Variants in TMEM87B observed in about 807,000 individuals in gnomAD.
TMEM87B encodes transmembrane protein 87B.
In TMEM87B, 83 loss-of-function variants were observed where a neutral mutation model predicts 80.3. The observed-to-expected ratio is 1.03, with a 90% confidence interval of 0.87 to 1.24. The LOEUF (loss-of-function observed/expected upper bound fraction) is 1.24, where lower values mean the gene tolerates loss of function less well. Ranked by LOEUF, TMEM87B falls within the 50% of genes most tolerant of loss-of-function variation. The pLI, the probability that TMEM87B is intolerant of heterozygous loss-of-function variation, is 0.00. For synonymous variants in TMEM87B, 219 were observed against 230.5 expected (o/e 0.95, Z 0.45); for missense variants, 625 against 674.4 (o/e 0.93, Z 0.81).
intron 8 of TMEM87B, among the ~76,000 whole-genome samples, chr2:112,083,030 A>G (rs916554624): frequency 1.3e-5 from 2 of 152,234 alleles, no homozygotes; most frequent in African/African-American, 4.8e-5. Context: ...TGATTTTCCC[A>G]AGTGGGAATT....
intron 13 of TMEM87B, 74 bp from the exon 14 acceptor site, chr2:112,098,521 T>TACATTATTTGAATGGGAAACCTATAAA: frequency 7.4e-7 from 1 of 1,359,370 alleles, no homozygotes; most frequent in South Asian, 1.2e-5. Context: ...CTTGTCATTG[T>TACATTATTTGAATGGGAAACCTATAAA]ACATTATTTG....
intron 9 of TMEM87B, among the ~76,000 whole-genome samples, chr2:112,087,366 A>C (rs1679178905): frequency 6.6e-6 from 1 of 151,536 alleles, no homozygotes; most frequent in Non-Finnish European, 1.5e-5. Flanking sequence ...CCTTGCCACT[A>C]TTTTCTCACT....
intron 3 of TMEM87B, among the ~76,000 whole-genome samples, chr2:112,066,316 T>C (rs138192845): frequency 1.3e-4 from 20 of 152,356 alleles, no homozygotes; most frequent in African/African-American, 4.8e-4. Context: ...GTCGGACTTG[T>C]TGATTTTTAC....
At chr2:112,077,799 T>C (rs1435633886) in intron 6 of TMEM87B, among the ~76,000 whole-genome samples, 1 of 152,248 alleles carries the variant, frequency 6.6e-6, no homozygotes, top group Admixed American at 6.5e-5. Flanking sequence ...CTGTGCCTTG[T>C]TAAGCTGTGG....
chr2:112,059,543 T>C (rs183734638), intron 1 of TMEM87B, among the ~76,000 whole-genome samples: 4 of 152,326 alleles, frequency 2.6e-5, no homozygotes, highest in South Asian at 2.1e-4. Context: ...TCACGTCCTA[T>C]AGGCTACAGT....
chr2:112,112,964 AT>A (rs770527213), intron 18 of TMEM87B, 35 bp downstream of exon 18: 2 of 1,587,806 alleles, frequency 1.3e-6, no homozygotes, highest in South Asian at 2.2e-5. Flanking sequence ...CTTGGAGCTG[AT>A]ATTTTCACAA....
rs530865549 is a variant in TMEM87B at position 112,076,876 on chromosome 2, G to C, written c.502-316G>C. 2.9e-3 allele frequency among the ~76,000 whole-genome samples: 413 copies of C among 144,902 alleles called. 1 individual carries two copies. The highest frequency in any genetic ancestry group is 2.6e-3 in the African/African-American group (104 of 39,812). On this transcript the variant is annotated intron_variant, in intron 5 of 18. Coordinates refer to ENST00000283206, the MANE Select transcript of TMEM87B (RefSeq NM_032824.3). ...TGTGTGTGTGTGTGTGTGTGTGTGT[G>C]TGTGTGTGTGTGTCTGTGTGTGTGT...
chr2:112,061,070 G>A (rs1678245128), intron 2 of TMEM87B, among the ~76,000 whole-genome samples: 2 of 152,140 alleles, frequency 1.3e-5, no homozygotes, highest in Admixed American at 6.5e-5. Flanking sequence ...ATCCTCGTAA[G>A]AAGTAAAAAT....
chr2:112,080,448 A>G (rs1181740652), intron 6 of TMEM87B, among the ~76,000 whole-genome samples: 3 of 146,284 alleles, frequency 2.1e-5, no homozygotes, highest in African/African-American at 7.7e-5. Flanking sequence ...TTTAGTAGAG[A>G]CGGTGTTTCA....
At chr2:112,077,764 C>T (rs1198925988) in intron 6 of TMEM87B, among the ~76,000 whole-genome samples, 6 of 152,184 alleles carry the variant, frequency 3.9e-5, no homozygotes, top group Non-Finnish European at 5.9e-5. Context: ...CTGTGAGGCA[C>T]CCCCACCACT....
intron 5 of TMEM87B, 97 bp downstream of exon 5, chr2:112,075,059 G>A (rs1678767418): frequency 3.4e-6 from 5 of 1,458,460 alleles, no homozygotes; most frequent in Admixed American, 2.6e-5. Context: ...GTGATATAAA[G>A]TAGGGTTATT....
In TMEM87B at chr2:112,107,396, A is replaced by AT. The variant is rs201068454; in HGVS notation, c.1525-384dup. ...AAAAAAGAATGTTTGTATTATCATC[A>AT]TTTTTTTTAAAGTTATAAACTCATT... On this transcript the variant is annotated intron_variant, in intron 16 of 18. Coordinates refer to ENST00000283206, the MANE Select transcript of TMEM87B (RefSeq NM_032824.3). Among the ~76,000 whole-genome samples, 70 of 150,910 alleles carry AT rather than the reference A, an allele frequency of 4.6e-4. 2 individuals carry two copies. The East Asian group carries it at 0.013, about 29-fold the overall frequency.
chr2:112,077,249 A>G lies in TMEM87B; in HGVS notation c.559A>G (p.Thr187Ala). 1 of 1,595,246 alleles carries G rather than the reference A, an allele frequency of 6.3e-7. No individual in the cohort carries two copies. Among genetic ancestry groups the G allele is most frequent in the Non-Finnish European group, 8.5e-7 (1 of 1,171,136 alleles). ...GFHIFIVSIK[T>A]ENTDASWNLN... ...TCATATCTTTATTGTTTCTATTAAAACGGAGAATACAGATGCAAGCTGGAA... is the reference window on the plus strand; with the variant it reads ...TCATATCTTTATTGTTTCTATTAAAGCGGAGAATACAGATGCAAGCTGGAA... Residue 187 changes from threonine to alanine, a missense_variant, in exon 6 of 19, where the codon ACG (threonine) becomes GCG (alanine). Thr to Ala is a moderately conservative substitution (Grantham distance 58, BLOSUM62 0). Coordinates refer to ENST00000283206, the MANE Select transcript of TMEM87B (RefSeq NM_032824.3).
intron 13 of TMEM87B, 98 bp from the exon 14 acceptor site, chr2:112,098,497 A>G (rs1307914124): frequency 8.3e-6 from 9 of 1,084,138 alleles, no homozygotes; most frequent in Non-Finnish European, 5.5e-6. Context: ...CTGGTTGGAA[A>G]GATTTCATTA....
chr2:112,116,137 A>T lies in TMEM87B; in HGVS notation c.1662A>T (p.Ile554=). Residue 554 remains isoleucine, a synonymous_variant, in exon 19 of 19, where the codon ATA becomes ATT. Transcript: ENST00000283206. The stretch of plus-strand genomic sequence containing the variant: ...AAAAAATGTTCTCTTCAGAAAAGAT[A>T]ATGTGATTGGAACCCGTATAAGAAA... ...MAEKMFSSEK[I]M 1.2e-6 allele frequency: 2 copies of T among 1,612,536 alleles called. No homozygotes were observed. The highest frequency in any genetic ancestry group is 1.7e-6 in the Non-Finnish European group (2 of 1,179,328).
chr2:112,074,901 C>A lies in TMEM87B; in HGVS notation c.451-11C>A. On this transcript the variant is annotated splice_polypyrimidine_tract_variant and intron_variant, in intron 4 of 18. Coordinates refer to ENST00000283206, the MANE Select transcript of TMEM87B (RefSeq NM_032824.3). ...GCAGTATAAAATGGCATTATTTACT[C>A]TTTTTTCCAGAATAAAGAACTAATA... is the stretch of plus-strand genomic sequence containing the variant. 6.4e-7 allele frequency: 1 copy of A among 1,563,876 alleles called. No individual in the cohort carries two copies. Among genetic ancestry groups the A allele is most frequent in the South Asian group, 1.2e-5 (1 of 85,500 alleles).
Position 112,055,395 on chromosome 2 carries a change from A to C in TMEM87B, c.-197A>C. On this transcript the variant is annotated 5_prime_UTR_variant, in exon 1 of 19. Transcript: ENST00000283206. The stretch of plus-strand genomic sequence containing the variant: ...CGCTCGGGCCCGGCTCAGAGCCCTA[A>C]GCCCTGCCTCCCGGTCCTGGCCGGG... 1.7e-6 allele frequency: 1 copy of C among 587,076 alleles called. No homozygotes were observed. 36.4% of individuals were successfully genotyped at this position (587,076 alleles called of 1,614,324 possible). A position where few individuals can be genotyped will look rare whatever the true frequency, so the allele number is the denominator to read the frequency against.
At chr2:112,063,115 C>T (rs1389742737) in intron 2 of TMEM87B, among the ~76,000 whole-genome samples, 2 of 152,194 alleles carry the variant, frequency 1.3e-5, no homozygotes, top group Admixed American at 6.5e-5. Flanking sequence ...TCCCAGTGAT[C>T]CTTGCTTCCT....
chr2:112,056,925 G>T (rs1310802695), intron 1 of TMEM87B, among the ~76,000 whole-genome samples: 1 of 152,186 alleles, frequency 6.6e-6, no homozygotes, highest in African/African-American at 2.4e-5. Context: ...CTGCTGCTAC[G>T]ATAGTGAATA....
Sources: gnomAD v4.1 joint callset for allele counts (sites outside exome capture counted in the v4.1 genomes callset) on GRCh38, gnomAD v4.1.1 for gene constraint, MANE v1.5 for transcripts, NCBI Gene and HGNC (gene_info 2026-07-23, HGNC 2026-07-21) for gene names.